ACYP2: variants seen among roughly 807,000 people sequenced by gnomAD.
ACYP2 encodes the protein acylphosphatase 2.
A neutral mutation model predicts 11.2 loss-of-function variants in ACYP2; 12 were observed. The ratio of observed to expected loss-of-function variants is 1.08; its 90% CI spans 0.69 to 1.74. ACYP2 has a LOEUF of 1.74. ACYP2 is among the 40% of genes most tolerant of loss of function. ACYP2 has a pLI of 0.00. For missense variants in ACYP2, 134 were observed against 101.9 expected, an observed-to-expected ratio of 1.31 and a Z score of -1.35; for synonymous variants, 43 against 32.2, an observed-to-expected ratio of 1.33 and a Z score of -1.13.
At chr2:54,086,229 G>A (rs1677938314) in intron 4 of ACYP2, among the ~76,000 whole-genome samples, 1 of 152,204 alleles carries the variant, frequency 6.6e-6, no homozygotes, top group South Asian at 2.1e-4. Context: ...ATAGGTGTGA[G>A]CTAGAGGGCC....
chr2:54,069,682 A>C (rs1304497208), intron 4 of ACYP2, among the ~76,000 whole-genome samples: 1 of 152,092 alleles, frequency 6.6e-6, no homozygotes, highest in African/African-American at 2.4e-5. Context: ...AAAACAAAAA[A>C]AACAAAAACA....
chr2:54,024,661 C>A (rs2161083), intron 2 of ACYP2, among the ~76,000 whole-genome samples: 14,210 of 152,094 alleles, frequency 0.093, 893 homozygotes, highest in African/African-American at 0.17. Flanking sequence ...GAAAGCATTA[C>A]CCCTGAAAAC....
intron 2 of ACYP2, among the ~76,000 whole-genome samples, chr2:54,045,500 C>G (rs1392966506): frequency 3.3e-5 from 5 of 152,136 alleles, no homozygotes; most frequent in African/African-American, 1.2e-4. Flanking sequence ...AAAGAGAAGG[C>G]TTGACATTGA....
intron 6 of ACYP2, among the ~76,000 whole-genome samples, chr2:54,185,303 G>C (rs989280874): frequency 2.0e-4 from 30 of 152,146 alleles, no homozygotes; most frequent in African/African-American, 7.2e-4. Context: ...CAATGATCCA[G>C]GCTGCTCCTG....
chr2:54,050,059 C>A (rs1280011663), intron 2 of ACYP2, among the ~76,000 whole-genome samples: 1 of 152,050 alleles, frequency 6.6e-6, no homozygotes, highest in Non-Finnish European at 1.5e-5. Context: ...TACAGCAAGT[C>A]CTTACTTAAC....
At chr2:53,985,901 C>T (rs914018155) in intron 2 of ACYP2, among the ~76,000 whole-genome samples, 1 of 152,014 alleles carries the variant, frequency 6.6e-6, no homozygotes, top group Admixed American at 6.6e-5. Context: ...TTCAGGAAGC[C>T]GAGGTGGGAG....
intron 2 of ACYP2, among the ~76,000 whole-genome samples, chr2:54,025,634 A>G (rs1164793467): frequency 6.6e-6 from 1 of 152,236 alleles, no homozygotes; most frequent in African/African-American, 2.4e-5. Flanking sequence ...CTGAAAGATA[A>G]CATCAGAAAA....
intron 4 of ACYP2, among the ~76,000 whole-genome samples, chr2:54,086,799 A>G (rs568256431): frequency 6.6e-6 from 1 of 152,330 alleles, no homozygotes; most frequent in African/African-American, 2.4e-5. Context: ...AAACTGAAGG[A>G]TTTTTGTGGT....
At chr2:54,290,236 G>T (rs1301843552) in intron 6 of ACYP2, among the ~76,000 whole-genome samples, 2 of 152,082 alleles carry the variant, frequency 1.3e-5, no homozygotes, top group Non-Finnish European at 2.9e-5. Context: ...TGGCTGCCTG[G>T]CTTGGTCCCG....
rs1433586150 is a variant in ACYP2 at position 54,159,694 on chromosome 2, A to T, written c.404+20946A>T. 2.6e-5 allele frequency among the ~76,000 whole-genome samples: 4 copies of T among 152,140 alleles called. No homozygotes were observed. In the East Asian group the frequency reaches 7.7e-4, roughly 29 times the overall value. The stretch of plus-strand genomic sequence containing the variant: ...AGGTAAATTAGCACAGGTTGGAAGC[A>T]CAGGGGTAGAGTTTGGGAATGAAGC... On this transcript the variant is annotated intron_variant, in intron 6 of 6. Transcript: ENST00000607452.
intron 2 of ACYP2, among the ~76,000 whole-genome samples, chr2:54,041,805 T>C (rs1273964152): frequency 6.6e-6 from 1 of 152,076 alleles, no homozygotes; most frequent in Non-Finnish European, 1.5e-5. Flanking sequence ...ATTTTTTTCT[T>C]TTTAGAGTGG....
chr2:54,278,105 G>A (rs1230847615), intron 6 of ACYP2, among the ~76,000 whole-genome samples: 1 of 152,136 alleles, frequency 6.6e-6, no homozygotes, highest in East Asian at 1.9e-4. Context: ...AGCCTCCTGA[G>A]TAGCTGGGAC....
intron 2 of ACYP2, among the ~76,000 whole-genome samples, chr2:54,015,020 A>T (rs761546815): frequency 2.0e-5 from 3 of 152,166 alleles, no homozygotes; most frequent in African/African-American, 4.8e-5. Flanking sequence ...TGGCTACTCA[A>T]AGTGGGGTCT....
At chr2:54,178,710 T>C (rs958547330) in intron 6 of ACYP2, among the ~76,000 whole-genome samples, 35 of 152,192 alleles carry the variant, frequency 2.3e-4, no homozygotes, top group African/African-American at 7.7e-4. Context: ...TGGGAAGGAT[T>C]TGTAAGAGAA....
chr2:54,135,369 A>T (rs1472262975), intron 4 of ACYP2, 84 bp from the exon 2 acceptor site: 3 of 1,279,442 alleles, frequency 2.3e-6, no homozygotes, highest in Non-Finnish European at 3.3e-6. Flanking sequence ...AATGGGGACC[A>T]CCTAGATAAA....
intron 2 of ACYP2, among the ~76,000 whole-genome samples, chr2:54,034,820 C>T (rs915669332): frequency 3.3e-5 from 5 of 151,830 alleles, no homozygotes; most frequent in African/African-American, 7.3e-5. Context: ...ACCAGCCTGG[C>T]CAACATAGTA....
intron 5 of ACYP2, among the ~76,000 whole-genome samples, chr2:54,138,246 A>C (rs1681379585): frequency 6.6e-6 from 1 of 152,096 alleles, no homozygotes; most frequent in Non-Finnish European, 1.5e-5. Context: ...GTTTTTTCTC[A>C]GTGATTGAGA....
rs1573416516 is a variant in ACYP2, at chr2:53,973,755, C to G, written c.7C>G (p.Leu3Val). The stretch of plus-strand genomic sequence containing the variant: ...CCAGGTGAAATAAACAGCCATGTTG[C>G]TCACACAAAGCCTGTTTGGTGGTCT... The change falls in exon 2 of 7, where the codon CTC becomes GTC. Residue 3 changes from leucine (L) to valine (V), a missense_variant. Coordinates refer to ENST00000607452, the MANE Select transcript of ACYP2 (RefSeq NM_001320586.2). 3 of 345,476 alleles carry G rather than the reference C, an allele frequency of 8.7e-6. No homozygotes were observed. 21.4% of individuals were successfully genotyped at this position (345,476 alleles called of 1,614,324 possible).
At chr2:54,116,011 G>C (rs1679767910) in intron 4 of ACYP2, among the ~76,000 whole-genome samples, 1 of 152,168 alleles carries the variant, frequency 6.6e-6, no homozygotes, top group Non-Finnish European at 1.5e-5. Context: ...CTGAGGACCA[G>C]AAGTGGGCGG....
Sources: allele counts gnomAD v4.1 joint callset (sites outside exome capture counted in the v4.1 genomes callset), GRCh38; gene constraint gnomAD v4.1.1; transcripts MANE v1.5; gene names NCBI Gene and HGNC (gene_info 2026-07-23, HGNC 2026-07-21).